Variants in MLLT10 observed in about 807,000 individuals in gnomAD.
MLLT10 encodes MLLT10 histone lysine methyltransferase DOT1L cofactor, also known as protein AF-10.
Under a neutral mutation model 129.1 loss-of-function variants are expected in MLLT10, and 30 were observed. That is an observed-to-expected ratio of 0.23 (90% CI 0.17 to 0.32). The LOEUF is 0.32. Among genes scored for constraint, MLLT10 ranks in the 10% least tolerant of loss-of-function variants. The pLI is 1.00. For synonymous variants in MLLT10, 490 were observed against 446.4 expected (o/e 1.10, Z -1.23); for missense variants, 1,119 against 1,268.3 (o/e 0.88, Z 1.79).
rs748102092 is a variant in MLLT10 at position 21,534,634 on chromosome 10, C to T, written c.1-11C>T. The T allele has an allele frequency of 1.9e-6, 3 of 1,600,792 alleles. No homozygotes were observed. The highest frequency in any genetic ancestry group is 1.3e-5 in the African/African-American group (1 of 74,162). On this transcript the variant is annotated splice_polypyrimidine_tract_variant and intron_variant, in intron 1 of 22. Coordinates refer to ENST00000307729, the MANE Select transcript of MLLT10 (RefSeq NM_001195626.3). ...ATGTGTTTTTTAATGGTCCCCCCAA[C>T]TCCCTCTTAGATGGTCTCTAGCGAC...
At chr10:21,632,927 G>A (rs1480017917) in intron 8 of MLLT10, among the ~76,000 whole-genome samples, 5 of 152,028 alleles carry the variant, frequency 3.3e-5, no homozygotes, top group Non-Finnish European at 7.4e-5. Context: ...TGATTTTAGA[G>A]ATTTATTTAA....
intron 13 of MLLT10, chr10:21,688,349 G>T: frequency 1.5e-6 from 1 of 676,700 alleles, no homozygotes; most frequent in Non-Finnish European, 2.6e-6. Flanking sequence ...ATTTACATAG[G>T]TTTCATGGGG....
At chr10:21,625,031 C>T (rs1167208826) in intron 8 of MLLT10, 6 of 916,532 alleles carry the variant, frequency 6.5e-6, no homozygotes, top group Non-Finnish European at 1.0e-5. Context: ...AGTAGGGAAT[C>T]TTCGTAACCT....
chr10:21,727,968 CG>C (rs763454265), intron 16 of MLLT10, 40 bp downstream of exon 16: 1 of 1,571,248 alleles, frequency 6.4e-7, no homozygotes, highest in South Asian at 1.1e-5. Flanking sequence ...GCAAAGGAAA[CG>C]TTTGAGATTT....
intron 6 of MLLT10, among the ~76,000 whole-genome samples, chr10:21,613,359 G>C (rs942220400): frequency 6.6e-6 from 1 of 152,156 alleles, no homozygotes; most frequent in African/African-American, 2.4e-5. Flanking sequence ...TTCACTGCCA[G>C]TGTAAGTACA....
At chr10:21,605,027 T>C (rs545270277) in intron 5 of MLLT10, among the ~76,000 whole-genome samples, 3 of 151,746 alleles carry the variant, frequency 2.0e-5, no homozygotes, top group Admixed American at 1.3e-4. Flanking sequence ...GTGTGATTAT[T>C]GCACCTGTGA....
intron 13 of MLLT10, among the ~76,000 whole-genome samples, chr10:21,689,700 A>G (rs890954521): frequency 6.8e-5 from 10 of 147,120 alleles, no homozygotes; most frequent in Middle Eastern, 3.6e-3. Context: ...CAAGATACTG[A>G]TATTTGATAT....
At chr10:21,566,326 C>G in intron 3 of MLLT10, among the ~76,000 whole-genome samples, 1 of 150,386 alleles carries the variant, frequency 6.6e-6, no homozygotes, top group Non-Finnish European at 1.5e-5. Flanking sequence ...GTCAGACTCC[C>G]CCCCACCCCC....
At chr10:21,638,801 A>G (rs1431151517) in intron 8 of MLLT10, among the ~76,000 whole-genome samples, 1 of 152,126 alleles carries the variant, frequency 6.6e-6, no homozygotes, top group South Asian at 2.1e-4. Flanking sequence ...GAGGTCACCT[A>G]ATTGTTACAG....
chr10:21,649,645 T>C (rs2048832569), intron 8 of MLLT10, among the ~76,000 whole-genome samples: 1 of 152,238 alleles, frequency 6.6e-6, no homozygotes, highest in South Asian at 2.1e-4. Context: ...TAGGCTAGAG[T>C]ACCTCAGTTC....
At chr10:21,618,609 A>G (rs1245771350) in intron 8 of MLLT10, among the ~76,000 whole-genome samples, 2 of 152,090 alleles carry the variant, frequency 1.3e-5, no homozygotes, top group Non-Finnish European at 2.9e-5. Flanking sequence ...GAGTGAAATA[A>G]TTATAACTTA....
chr10:21,705,556 G>A (rs1425483419), intron 13 of MLLT10, among the ~76,000 whole-genome samples: 1 of 152,156 alleles, frequency 6.6e-6, no homozygotes, highest in East Asian at 1.9e-4. Context: ...GAGAGCCCAG[G>A]GCCATGTTAG....
intron 13 of MLLT10, among the ~76,000 whole-genome samples, chr10:21,706,008 G>T (rs1408309019): frequency 2.0e-5 from 3 of 152,170 alleles, no homozygotes; most frequent in Non-Finnish European, 4.4e-5. Flanking sequence ...GCCTCTCTTG[G>T]CTCCTGGCCA....
At chr10:21,730,112 C>T (rs569185243) in intron 16 of MLLT10, among the ~76,000 whole-genome samples, 2 of 151,218 alleles carry the variant, frequency 1.3e-5, no homozygotes, top group East Asian at 3.9e-4. Flanking sequence ...CCCTGCCCAA[C>T]CTCCCCCACC....
At chr10:21,569,048 A>G (rs2039910641) in intron 3 of MLLT10, among the ~76,000 whole-genome samples, 1 of 152,222 alleles carries the variant, frequency 6.6e-6, no homozygotes, top group South Asian at 2.1e-4. Context: ...AATTCATGGT[A>G]ACACCTGAAA....
At chr10:21,607,264 A>C (rs1306968837) in intron 5 of MLLT10, among the ~76,000 whole-genome samples, 1 of 152,050 alleles carries the variant, frequency 6.6e-6, no homozygotes, top group Admixed American at 6.6e-5. Context: ...AAACATTATA[A>C]ATGTTAAAAA....
At chr10:21,558,084 G>A (rs1317661446) in intron 3 of MLLT10, among the ~76,000 whole-genome samples, 1 of 151,154 alleles carries the variant, frequency 6.6e-6, no homozygotes, top group Non-Finnish European at 1.5e-5. Flanking sequence ...CAAGTAGCTG[G>A]GATTACAGGT....
chr10:21,618,808 T>C (rs1443782908), intron 8 of MLLT10, among the ~76,000 whole-genome samples: 3 of 151,866 alleles, frequency 2.0e-5, no homozygotes, highest in African/African-American at 7.3e-5. Context: ...TCTCGTGTTA[T>C]TGCAACCTCT....
intron 13 of MLLT10, among the ~76,000 whole-genome samples, chr10:21,706,151 G>GA (rs2055473608): frequency 6.6e-6 from 1 of 152,164 alleles, no homozygotes; most frequent in African/African-American, 2.4e-5. Flanking sequence ...GTTCTTAGTG[G>GA]AAGAGACAAA....
Sources: gnomAD v4.1 joint callset for allele counts (sites outside exome capture counted in the v4.1 genomes callset) on GRCh38, gnomAD v4.1.1 for gene constraint, MANE v1.5 for transcripts, NCBI Gene and HGNC (gene_info 2026-07-23, HGNC 2026-07-21) for gene names.